Variants in SLC47A1 observed in about 807,000 individuals in gnomAD.
SLC47A1 encodes the protein multidrug and toxin extrusion protein 1.
A neutral mutation model predicts 65.8 loss-of-function variants in SLC47A1; 58 were observed. That is an observed-to-expected ratio of 0.88 (90% CI 0.71 to 1.10). The LOEUF is 1.10. SLC47A1 is among the 50% of genes least tolerant of loss of function. SLC47A1 has a pLI of 0.00. For synonymous variants in SLC47A1, 285 were observed against 295.0 expected (o/e 0.97, Z 0.35); for missense variants, 706 against 719.2 (o/e 0.98, Z 0.21).
intron 15 of SLC47A1, among the ~76,000 whole-genome samples, chr17:19,572,410 C>G (rs2084406642): frequency 6.6e-6 from 1 of 152,176 alleles, no homozygotes; most frequent in Non-Finnish European, 1.5e-5. Context: ...CCTCCTGTCT[C>G]AGCCTCCCAG....
chr17:19,541,143 C>T (rs1316039006), intron 1 of SLC47A1, among the ~76,000 whole-genome samples: 1 of 152,142 alleles, frequency 6.6e-6, no homozygotes, highest in Admixed American at 6.5e-5. Context: ...TCTGTGGGCT[C>T]AGCACAGAGG....
At position 19,572,854 on chromosome 17, in the gene SLC47A1, T is replaced by G; in HGVS notation, c.1479T>G (p.Leu493=). The change falls in exon 16 of 17, where the codon CTT becomes CTG. Residue 493 remains leucine, a synonymous_variant. Coordinates refer to ENST00000270570, the MANE Select transcript of SLC47A1 (RefSeq NM_018242.3). The stretch of plus-strand genomic sequence containing the variant: ...ATTCTGCTCTCCCTCAGGATCCGCT[T>G]CACCCAGGTAAGATATGACTCCCTC... ...SGNSALPQDP[L]HPGCPENLEG... The G allele has an allele frequency of 6.2e-7, 1 of 1,614,174 alleles. No individual in the cohort carries two copies. Among genetic ancestry groups the G allele is most frequent in the Non-Finnish European group, 8.5e-7 (1 of 1,180,020 alleles).
At chr17:19,571,708 T>C in intron 15 of SLC47A1, 136 bp downstream of exon 15, 1 of 662,536 alleles carries the variant, frequency 1.5e-6, no homozygotes, top group South Asian at 2.0e-5. Context: ...ATTGTTCTTG[T>C]TGTTTTAACT....
intron 6 of SLC47A1, among the ~76,000 whole-genome samples, chr17:19,552,740 G>T (rs1441383478): frequency 6.6e-6 from 1 of 152,220 alleles, no homozygotes; most frequent in Non-Finnish European, 1.5e-5. Flanking sequence ...GAAGGCAGGG[G>T]ATCCTAGACA....
intron 6 of SLC47A1, among the ~76,000 whole-genome samples, chr17:19,552,838 G>A (rs1449723880): frequency 1.3e-5 from 2 of 152,194 alleles, no homozygotes; most frequent in East Asian, 3.9e-4. Flanking sequence ...TGAGATGATG[G>A]CATCGAGAGG....
In SLC47A1 at chr17:19,555,650, C is replaced by T; in HGVS notation, c.699C>T (p.Leu233=). ...SQYTLALLLF[L]YILGKKLHQA... Reference sequence around the variant, plus strand: ...ACACCCTGGCTCTACTCCTCTTTCTCTACATCCTCGGGAAAAAACTGCATC... The same window carrying T: ...ACACCCTGGCTCTACTCCTCTTTCTTTACATCCTCGGGAAAAAACTGCATC... The change falls in exon 8 of 17, where the codon CTC becomes CTT. Residue 233 remains leucine (L), a synonymous_variant. Transcript: ENST00000270570. 1 of 1,614,232 alleles carries T rather than the reference C, an allele frequency of 6.2e-7. No homozygotes were observed.
intron 9 of SLC47A1, 39 bp downstream of exon 9, chr17:19,555,948 TG>T (rs767003623): frequency 2.0e-4 from 320 of 1,613,898 alleles, no homozygotes; most frequent in Non-Finnish European, 2.7e-4. Context: ...GGTGGGAACC[TG>T]GGGGCCCTGT....
At chr17:19,543,877 T>C (rs779035315) in intron 2 of SLC47A1, among the ~76,000 whole-genome samples, 1 of 152,220 alleles carries the variant, frequency 6.6e-6, no homozygotes, top group Non-Finnish European at 1.5e-5. Context: ...TTGCTATCCA[T>C]GAACTACGCG....
At chr17:19,573,586 T>C (rs2084417022) in intron 16 of SLC47A1, among the ~76,000 whole-genome samples, 1 of 152,108 alleles carries the variant, frequency 6.6e-6, no homozygotes, top group South Asian at 2.1e-4. Flanking sequence ...GTGTGCAGTG[T>C]AGCTCACTGC....
intron 1 of SLC47A1, among the ~76,000 whole-genome samples, chr17:19,539,875 C>A (rs1265597263): frequency 6.6e-6 from 1 of 152,190 alleles, no homozygotes; most frequent in African/African-American, 2.4e-5. Flanking sequence ...AAGCGTTCAC[C>A]CAAAGGGCTT....
At chr17:19,555,467 GCT>G in intron 7 of SLC47A1, 124 bp from the exon 8 acceptor site, 1 of 1,275,294 alleles carries the variant, frequency 7.8e-7, no homozygotes, top group South Asian at 1.3e-5. Flanking sequence ...GGGTGAGGCT[GCT>G]CTGGGAAGAA....
At chr17:19,559,831 C>A (rs926307216) in intron 10 of SLC47A1, among the ~76,000 whole-genome samples, 4 of 151,976 alleles carry the variant, frequency 2.6e-5, no homozygotes, top group Admixed American at 1.3e-4. Context: ...CCACGCCTGA[C>A]CTCTGTCCCT....
chr17:19,563,128 CTTTTTTT>C (rs572651224), intron 12 of SLC47A1, among the ~76,000 whole-genome samples: 3 of 82,640 alleles, frequency 3.6e-5, no homozygotes, highest in Non-Finnish European at 4.3e-5. Flanking sequence ...TAAGAGAAAG[CTTTTTTT>C]TTTTTTTTTT....
Position 19,560,461 on chromosome 17 carries a change from G to T in SLC47A1, c.1074G>T (p.Lys358Asn). The T allele has an allele frequency of 1.2e-6, 2 of 1,614,174 alleles. No individual in the cohort carries two copies. The highest frequency in any genetic ancestry group is 1.7e-6 in the Non-Finnish European group (2 of 1,180,048). ...TCAGTGTCCTGCTGTTAAGCTGTAA[G>T]GATCACGTGGGGTACATTTTTACTA... Reference protein sequence around the residue: ...VAFSVLLLSCKDHVGYIFTTD... With the variant: ...VAFSVLLLSCNDHVGYIFTTD... Residue 358 changes from lysine (K) to asparagine (N), a missense_variant, in exon 12 of 17, where the codon AAG (lysine) becomes AAT (asparagine). Physicochemically the swap from Lys to Asn is moderately conservative, Grantham distance 94. Transcript: ENST00000270570.
chr17:19,568,843 C>G (rs939416086), intron 14 of SLC47A1, among the ~76,000 whole-genome samples: 5 of 152,026 alleles, frequency 3.3e-5, no homozygotes, highest in African/African-American at 1.2e-4. Flanking sequence ...TCATTCTACT[C>G]TCTACTTCTA....
In SLC47A1 at chr17:19,549,682, G is replaced by A. The variant is rs1916392944; in HGVS notation, c.498+5G>A. ...ATCTTCATTCCAGCTCTTCCTGTAA[G>A]TGCTCAAGGGCTAAGAGATTCCCTT... On this transcript the variant is annotated splice_donor_5th_base_variant and intron_variant, in intron 5 of 16. Coordinates refer to ENST00000270570, the MANE Select transcript of SLC47A1 (RefSeq NM_018242.3). 1.9e-6 allele frequency: 3 copies of A among 1,614,060 alleles called. No homozygotes were observed. Among genetic ancestry groups the A allele is most frequent in the Non-Finnish European group, 2.5e-6 (3 of 1,180,030 alleles).
At chr17:19,563,707 G>A (rs1446648527) in intron 12 of SLC47A1, among the ~76,000 whole-genome samples, 3 of 152,100 alleles carry the variant, frequency 2.0e-5, no homozygotes, top group Non-Finnish European at 4.4e-5. Context: ...ATTAGACATA[G>A]GCTGGGCGCG....
chr17:19,552,880 C>G (rs571225778), intron 6 of SLC47A1, among the ~76,000 whole-genome samples: 1 of 152,100 alleles, frequency 6.6e-6, no homozygotes, highest in Non-Finnish European at 1.5e-5. Context: ...TGCGCAGGGC[C>G]TTGTGTTCTC....
chr17:19,544,231 A>G (rs1235291487), intron 2 of SLC47A1, among the ~76,000 whole-genome samples: 1 of 152,248 alleles, frequency 6.6e-6, no homozygotes, highest in Non-Finnish European at 1.5e-5. Context: ...GGCGTGAGCC[A>G]CTGCACCCAG....
Sources: gnomAD v4.1 joint callset for allele counts (sites outside exome capture counted in the v4.1 genomes callset) on GRCh38, gnomAD v4.1.1 for gene constraint, MANE v1.5 for transcripts, NCBI Gene and HGNC (gene_info 2026-07-23, HGNC 2026-07-21) for gene names.